STAU2: variants seen among roughly 807,000 people sequenced by gnomAD.
STAU2 encodes double-stranded RNA-binding protein Staufen homolog 2.
A neutral mutation model predicts 65.9 loss-of-function variants in STAU2; 20 were observed. That is an observed-to-expected ratio of 0.30 (90% confidence interval 0.21 to 0.44). STAU2 has a LOEUF of 0.44. Among genes scored for constraint, STAU2 ranks in the 20% least tolerant of loss-of-function variants. STAU2 has a pLI of 1.00. For synonymous variants in STAU2, 232 were observed against 233.9 expected, an observed-to-expected ratio of 0.99 and a Z score of 0.07; for missense variants, 558 against 683.9, an observed-to-expected ratio of 0.82 and a Z score of 2.05.
chr8:73,564,769 T>G lies in STAU2; in HGVS notation c.1223-12450A>C, dbSNP rs200737681. 1.1e-4 allele frequency among the ~76,000 whole-genome samples: 17 copies of G among 152,342 alleles called. No homozygotes were observed. In the East Asian group the frequency reaches 3.3e-3, roughly 29 times the overall value. On this transcript the variant is annotated intron_variant, in intron 12 of 14. Transcript: ENST00000524300. ...ATGAGAAAAAAAATCAAATCCCACCTGGGCCACTGTCTTATGTGGAGTTCT... is the reference window on the plus strand; with the variant it reads ...ATGAGAAAAAAAATCAAATCCCACCGGGGCCACTGTCTTATGTGGAGTTCT...
At chr8:73,712,092 T>C (rs999841370) in intron 3 of STAU2, among the ~76,000 whole-genome samples, 8 of 152,130 alleles carry the variant, frequency 5.3e-5, no homozygotes, top group Non-Finnish European at 8.8e-5. Flanking sequence ...AAAAAAGTTA[T>C]ATAAATCTTT....
chr8:73,699,854 A>G (rs1261775206), intron 4 of STAU2, among the ~76,000 whole-genome samples: 3 of 128,756 alleles, frequency 2.3e-5, no homozygotes, highest in African/African-American at 6.3e-5. Flanking sequence ...AAAACCAAAC[A>G]CACATCAAAA....
intron 10 of STAU2, among the ~76,000 whole-genome samples, chr8:73,596,822 C>T (rs1811223759): frequency 6.6e-6 from 1 of 152,006 alleles, no homozygotes; most frequent in South Asian, 2.1e-4. Context: ...ACACTGCACC[C>T]TGGGCAACAG....
At chr8:73,607,365 CACTT>C (rs1011359722) in intron 9 of STAU2, among the ~76,000 whole-genome samples, 11 of 152,142 alleles carry the variant, frequency 7.2e-5, no homozygotes, top group Non-Finnish European at 1.0e-4. Context: ...GTCTTTCTCA[CACTT>C]ACTTAGTATG....
intron 13 of STAU2, among the ~76,000 whole-genome samples, chr8:73,468,202 G>C (rs1350032552): frequency 6.6e-6 from 1 of 152,148 alleles, no homozygotes; most frequent in African/African-American, 2.4e-5. Context: ...ACAAGAAATG[G>C]GGAAAGGATT....
chr8:73,653,886 TA>T (rs756800789), intron 6 of STAU2: 4 of 443,776 alleles, frequency 9.0e-6, no homozygotes, highest in Non-Finnish European at 1.8e-5. Flanking sequence ...CTGACTTAGG[TA>T]ACTCTTCATC....
intron 4 of STAU2, among the ~76,000 whole-genome samples, chr8:73,696,430 T>C (rs2130573979): frequency 6.6e-6 from 1 of 152,336 alleles, no homozygotes; most frequent in Non-Finnish European, 1.5e-5. Flanking sequence ...CAGAGATACA[T>C]GACCTTTCAG....
At chr8:73,646,904 AAGAC>A (rs1280539569) in intron 6 of STAU2, among the ~76,000 whole-genome samples, 2 of 150,426 alleles carry the variant, frequency 1.3e-5, no homozygotes, top group Admixed American at 1.3e-4. Flanking sequence ...AAATGTGCAT[AAGAC>A]AGAGATATTT....
At chr8:73,615,842 T>C (rs1812799115) in intron 7 of STAU2, 60 bp from the exon 8 acceptor site, 1 of 1,289,368 alleles carries the variant, frequency 7.8e-7, no homozygotes, top group Non-Finnish European at 1.1e-6. Context: ...TTTACTTTTA[T>C]TCTACAGTCA....
intron 6 of STAU2, chr8:73,651,286 C>T: frequency 1.5e-6 from 1 of 668,514 alleles, no homozygotes. Context: ...GCGGGCCCCA[C>T]TGTGTCCACA....
At chr8:73,550,849 T>C in intron 13 of STAU2, 1 of 987,334 alleles carries the variant, frequency 1.0e-6, no homozygotes. Flanking sequence ...AAGGGTTCGG[T>C]GAAGTGAAAA....
At chr8:73,681,353 G>A (rs774327356) in intron 5 of STAU2, among the ~76,000 whole-genome samples, 70 of 152,224 alleles carry the variant, frequency 4.6e-4, no homozygotes, top group Admixed American at 6.5e-5. Context: ...AGAATTTTAT[G>A]TCCAGTGAAA....
chr8:73,601,188 A>C (rs1270898310), intron 10 of STAU2, among the ~76,000 whole-genome samples: 1 of 152,196 alleles, frequency 6.6e-6, no homozygotes, highest in Non-Finnish European at 1.5e-5. Flanking sequence ...AATCCTCAAA[A>C]ACCTAAGAAA....
intron 4 of STAU2, among the ~76,000 whole-genome samples, chr8:73,704,258 T>C (rs1166085804): frequency 6.6e-6 from 1 of 152,068 alleles, no homozygotes; most frequent in Non-Finnish European, 1.5e-5. Context: ...AACAAATCAA[T>C]GTCATAGGAA....
At chr8:73,556,468 AAT>A (rs1156679020) in intron 12 of STAU2, among the ~76,000 whole-genome samples, 2 of 152,114 alleles carry the variant, frequency 1.3e-5, no homozygotes, top group Non-Finnish European at 2.9e-5. Flanking sequence ...TACTATAAAA[AAT>A]CTTAAGGCTG....
At chr8:73,461,586 C>T (rs1294632949) in intron 13 of STAU2, among the ~76,000 whole-genome samples, 1 of 151,924 alleles carries the variant, frequency 6.6e-6, no homozygotes, top group African/African-American at 2.4e-5. Flanking sequence ...AATGCACATG[C>T]TAAGGAGAGG....
intron 12 of STAU2, among the ~76,000 whole-genome samples, chr8:73,580,775 C>T (rs573307582): frequency 6.6e-6 from 1 of 152,278 alleles, no homozygotes. Context: ...CTTTTCAGAG[C>T]TGGGCTGCCC....
chr8:73,581,807 G>T (rs1187788149), intron 12 of STAU2, among the ~76,000 whole-genome samples: 1 of 151,954 alleles, frequency 6.6e-6, no homozygotes, highest in Non-Finnish European at 1.5e-5. Context: ...GATAATCCAA[G>T]AATTCAATTC....
At chr8:73,498,376 C>G (rs79097444) in intron 13 of STAU2, among the ~76,000 whole-genome samples, 4,623 of 151,938 alleles carry the variant, frequency 0.03, 229 homozygotes, top group Admixed American at 0.13. Flanking sequence ...GTACACAGTA[C>G]AGTCTACATG....
Sources: allele counts gnomAD v4.1 joint callset (sites outside exome capture counted in the v4.1 genomes callset), GRCh38; gene constraint gnomAD v4.1.1; transcripts MANE v1.5; gene names NCBI Gene and HGNC (gene_info 2026-07-23, HGNC 2026-07-21).